Variants in KCNU1 observed in about 807,000 individuals in gnomAD.
KCNU1 encodes the protein potassium calcium-activated channel subfamily U member 1.
In KCNU1, 93 loss-of-function variants were observed where a neutral mutation model predicts 126.8. That is an observed-to-expected ratio of 0.73 (90% CI 0.62 to 0.87). The LOEUF (loss-of-function observed/expected upper bound fraction) is 0.87. KCNU1 is among the 40% of genes least tolerant of loss of function. The pLI, the probability that KCNU1 is intolerant of heterozygous loss-of-function variation, is 0.00. For synonymous variants in KCNU1, 523 were observed against 494.2 expected, an observed-to-expected ratio of 1.06 and a Z score of -0.77; for missense variants, 1,330 against 1,367.1, an observed-to-expected ratio of 0.97 and a Z score of 0.43.
At chr8:36,915,147 T>C (rs149807096) in intron 22 of KCNU1, among the ~76,000 whole-genome samples, 105 of 152,332 alleles carry the variant, frequency 6.9e-4, no homozygotes, top group African/African-American at 2.2e-3. Context: ...AAGTCCTTTA[T>C]TAGCAAAGAA....
chr8:36,824,658 G>A (rs1042118554), intron 10 of KCNU1, among the ~76,000 whole-genome samples: 3 of 151,850 alleles, frequency 2.0e-5, no homozygotes, highest in African/African-American at 4.8e-5. Flanking sequence ...ACTACAGTTC[G>A]GACATTATAT....
In KCNU1 at chr8:36,932,778, C is replaced by T; in HGVS notation, c.2932-142C>T. ...AATCATACTCTTAATTACCTATCGC[C>T]CTGGCAGTGCCACCACAAAGATATT... On this transcript the variant is annotated intron_variant, in intron 25 of 26. Coordinates refer to ENST00000399881, the MANE Select transcript of KCNU1 (RefSeq NM_001031836.3). 4.9e-6 allele frequency: 3 copies of T among 614,188 alleles called. No homozygotes were observed. In the East Asian group the frequency reaches 8.3e-5, roughly 17 times the overall value. The allele number at this position is 614,188 out of a possible 1,614,324, so 38.0% of individuals were successfully genotyped here.
intron 2 of KCNU1, among the ~76,000 whole-genome samples, chr8:36,790,274 A>T (rs556933775): frequency 6.6e-6 from 1 of 152,198 alleles, no homozygotes; most frequent in Non-Finnish European, 1.5e-5. Context: ...TAACCTCAAG[A>T]TATGTAAAAC....
intron 10 of KCNU1, among the ~76,000 whole-genome samples, chr8:36,831,394 A>G (rs983252748): frequency 3.5e-4 from 53 of 151,638 alleles, no homozygotes; most frequent in Non-Finnish European, 5.0e-4. Flanking sequence ...AAGTGTTCCT[A>G]TTTCTCCACA....
At chr8:36,925,099 C>A (rs183083689) in intron 24 of KCNU1, among the ~76,000 whole-genome samples, 1 of 152,232 alleles carries the variant, frequency 6.6e-6, no homozygotes, top group Admixed American at 6.5e-5. Context: ...AGGTTCTTCC[C>A]AGGCTGCCTT....
intron 9 of KCNU1, 82 bp downstream of exon 9, chr8:36,815,769 G>T: frequency 2.5e-6 from 2 of 800,996 alleles, no homozygotes; most frequent in Non-Finnish European, 2.0e-6. Context: ...CTATTGTCTG[G>T]CTTAGCTGTA....
In KCNU1 at chr8:36,817,744, A is replaced by C. The variant is rs745914696; in HGVS notation, c.1090A>C (p.Ile364Leu). The change falls in exon 10 of 27, where the codon ATT becomes CTT. Residue 364 changes from isoleucine (I) to leucine (L), a missense_variant. Physicochemically the swap from Ile to Leu is conservative, Grantham distance 5. Coordinates refer to ENST00000399881, the MANE Select transcript of KCNU1 (RefSeq NM_001031836.3). ...CAAGTCAGGAGAGATCAACACTGAA[A>C]TTGTTTTCCTGGGAGAGTAAGTATA... is the stretch of plus-strand genomic sequence containing the variant. ...RDKSGEINTE[I>L]VFLGETPPSL... The C allele has an allele frequency of 6.3e-7, 1 of 1,596,312 alleles. No individual in the cohort carries two copies. The highest frequency in any genetic ancestry group is 8.6e-7 in the Non-Finnish European group (1 of 1,163,860).
Position 36,935,561 on chromosome 8 carries a change from G to T in KCNU1, c.3091G>T (p.Asp1031Tyr). The T allele has an allele frequency of 6.2e-7, 1 of 1,612,394 alleles. No homozygotes were observed. Among genetic ancestry groups the T allele is most frequent in the Non-Finnish European group, 8.5e-7 (1 of 1,178,956 alleles). Reference sequence around the variant, plus strand: ...CAATGAGTTCAAGCTGCTGCCTTCAGATCTTGTGTTTTGTGCCATACCCTT... The same window carrying T: ...CAATGAGTTCAAGCTGCTGCCTTCATATCTTGTGTTTTGTGCCATACCCTT... ...PANEFKLLPS[D>Y]LVFCAIPFST... The change falls in exon 27 of 27, where the codon GAT becomes TAT. Residue 1031 changes from aspartate to tyrosine, a missense_variant. Asp to Tyr is a radical substitution (Grantham distance 160, BLOSUM62 -3). Coordinates refer to ENST00000399881, the MANE Select transcript of KCNU1 (RefSeq NM_001031836.3).
intron 24 of KCNU1, chr8:36,922,850 C>A (rs1044030381): frequency 5.1e-6 from 3 of 588,868 alleles, no homozygotes; most frequent in African/African-American, 3.7e-5. Flanking sequence ...GAGGCCCTTG[C>A]AGCCAGAACC....
At position 36,836,782 on chromosome 8, in the gene KCNU1, C is replaced by G; in HGVS notation, c.1366-11C>G. On this transcript the variant is annotated splice_polypyrimidine_tract_variant and intron_variant, in intron 13 of 26. Transcript: ENST00000399881. ...TTCCTAATGTTTGACCTGCTTTGTG[C>G]TATGGAACAGGTTTATCTGCCAAAG... 6.2e-7 allele frequency: 1 copy of G among 1,613,066 alleles called. No homozygotes were observed. Among genetic ancestry groups the G allele is most frequent in the Non-Finnish European group, 8.5e-7 (1 of 1,179,186 alleles).
chr8:36,863,234 T>C (rs997882919), intron 18 of KCNU1, among the ~76,000 whole-genome samples: 1 of 152,162 alleles, frequency 6.6e-6, no homozygotes, highest in African/African-American at 2.4e-5. Flanking sequence ...GACATTTTCA[T>C]GGCTTTTTCT....
intron 14 of KCNU1, among the ~76,000 whole-genome samples, chr8:36,838,471 AC>A (rs1262667674): frequency 6.6e-6 from 1 of 152,148 alleles, no homozygotes; most frequent in Admixed American, 6.5e-5. Flanking sequence ...TTGGTGGGTC[AC>A]TCGAGCTCAG....
chr8:36,850,639 T>G (rs891213943), intron 18 of KCNU1, among the ~76,000 whole-genome samples: 1 of 152,128 alleles, frequency 6.6e-6, no homozygotes, highest in Non-Finnish European at 1.5e-5. Context: ...GCATTTTTTG[T>G]AAAGATAGGG....
intron 24 of KCNU1, chr8:36,928,976 G>A (rs1455086063): frequency 8.6e-6 from 6 of 697,882 alleles, no homozygotes; most frequent in South Asian, 1.5e-5. Flanking sequence ...GAGAAGCAAT[G>A]ATAAAGAAAA....
chr8:36,908,640 C>A (rs1344566996), intron 20 of KCNU1, among the ~76,000 whole-genome samples: 1 of 151,302 alleles, frequency 6.6e-6, no homozygotes, highest in Non-Finnish European at 1.5e-5. Context: ...ACAATGAGAA[C>A]ACTTGGACAC....
At chr8:36,878,966 C>T (rs952819913) in intron 19 of KCNU1, among the ~76,000 whole-genome samples, 1 of 147,226 alleles carries the variant, frequency 6.8e-6, no homozygotes, top group Non-Finnish European at 1.5e-5. Context: ...AAAATTCAGA[C>T]TGGCTTTCCT....
chr8:36,879,211 GTATATATATA>G (rs34121138), intron 19 of KCNU1, among the ~76,000 whole-genome samples: 8 of 101,758 alleles, frequency 7.9e-5, no homozygotes, highest in South Asian at 3.5e-4. Context: ...GTGTGTGTGT[GTATATATATA>G]TATATATATA....
intron 14 of KCNU1, among the ~76,000 whole-genome samples, chr8:36,837,320 A>G (rs1476688683): frequency 1.3e-5 from 2 of 152,234 alleles, no homozygotes; most frequent in African/African-American, 4.8e-5. Flanking sequence ...ATATTTCAAT[A>G]TAAATTAAAT....
At chr8:36,931,532 TC>T (rs1200163443) in intron 25 of KCNU1, among the ~76,000 whole-genome samples, 1 of 152,120 alleles carries the variant, frequency 6.6e-6, no homozygotes, top group Non-Finnish European at 1.5e-5. Context: ...TAGTATTTTT[TC>T]CACTTAATCT....
Sources: gnomAD v4.1 joint callset for allele counts (sites outside exome capture counted in the v4.1 genomes callset) on GRCh38, gnomAD v4.1.1 for gene constraint, MANE v1.5 for transcripts, NCBI Gene and HGNC (gene_info 2026-07-23, HGNC 2026-07-21) for gene names.